Variants in FRZB observed in about 807,000 individuals in gnomAD.
FRZB encodes the protein secreted frizzled-related protein 3.
In FRZB, 34 loss-of-function variants were observed where a neutral mutation model predicts 32.5. The observed-to-expected ratio is 1.05, with a 90% CI of 0.80 to 1.39. The LOEUF is 1.39. Among genes scored for constraint, FRZB ranks in the 40% most tolerant of loss-of-function variants. The pLI is 0.00. For missense variants in FRZB, 423 were observed against 424.8 expected (o/e 1.00, Z 0.04); for synonymous variants, 170 against 159.2 (o/e 1.07, Z -0.51).
At chr2:182,847,791 C>A (rs1695662580) in intron 2 of FRZB, among the ~76,000 whole-genome samples, 1 of 152,044 alleles carries the variant, frequency 6.6e-6, no homozygotes, top group South Asian at 2.1e-4. Context: ...GAAAGGCAAA[C>A]CTTATAGTGG....
intron 2 of FRZB, among the ~76,000 whole-genome samples, chr2:182,855,781 T>C (rs1205655388): frequency 6.6e-6 from 1 of 152,120 alleles, no homozygotes; most frequent in Non-Finnish European, 1.5e-5. Context: ...AATTTATAGA[T>C]TCAAGAAGCT....
intron 5 of FRZB, among the ~76,000 whole-genome samples, chr2:182,837,725 C>T (rs1361443424): frequency 6.6e-6 from 1 of 151,948 alleles, no homozygotes; most frequent in African/African-American, 2.4e-5. Flanking sequence ...GACATTAGGG[C>T]AACTGTAGTT....
At chr2:182,854,886 A>T (rs962383516) in intron 2 of FRZB, among the ~76,000 whole-genome samples, 3 of 152,188 alleles carry the variant, frequency 2.0e-5, no homozygotes, top group Non-Finnish European at 4.4e-5. Context: ...TGCAAGGGAG[A>T]TCAGAGAGAT....
intron 5 of FRZB, among the ~76,000 whole-genome samples, chr2:182,836,408 A>T (rs1456219344): frequency 1.3e-5 from 2 of 152,106 alleles, no homozygotes; most frequent in Non-Finnish European, 2.9e-5. Context: ...TCTGCATATG[A>T]ATTTAAAATT....
At chr2:182,847,340 C>T (rs1695655833) in intron 2 of FRZB, among the ~76,000 whole-genome samples, 1 of 151,978 alleles carries the variant, frequency 6.6e-6, no homozygotes, top group Admixed American at 6.6e-5. Flanking sequence ...AATATGAAGT[C>T]CATAAAGGAG....
At chr2:182,858,664 T>C in intron 2 of FRZB, 122 bp downstream of exon 2, 1 of 644,944 alleles carries the variant, frequency 1.6e-6, no homozygotes, top group Non-Finnish European at 2.6e-6. Context: ...ATGAGGGAAT[T>C]TTAAAAAGTT....
chr2:182,852,246 T>C lies in FRZB; in HGVS notation c.526+6540A>G, dbSNP rs568430077. 4.2e-4 allele frequency among the ~76,000 whole-genome samples: 64 copies of C among 152,262 alleles called. No homozygotes were observed. The South Asian group carries it at 0.012, about 29-fold the overall frequency. ...CTACCCAAGCTAAGCATAAATCATG[T>C]CAGCAAAAGTGGGAGTGGCTGGGCA... On this transcript the variant is annotated intron_variant, in intron 2 of 5. Transcript: ENST00000295113.
At chr2:182,859,767 G>A (rs369178617) in intron 1 of FRZB, among the ~76,000 whole-genome samples, 5 of 152,152 alleles carry the variant, frequency 3.3e-5, no homozygotes, top group African/African-American at 9.7e-5. Context: ...CCCAGGTTTA[G>A]TAATCATCAG....
At chr2:182,847,925 T>C (rs951029127) in intron 2 of FRZB, among the ~76,000 whole-genome samples, 9 of 152,058 alleles carry the variant, frequency 5.9e-5, no homozygotes, top group Admixed American at 3.3e-4. Context: ...CAGATGAGTA[T>C]GGAAGAGGAA....
chr2:182,835,821 A>G (rs1695518991), intron 5 of FRZB, among the ~76,000 whole-genome samples: 1 of 152,024 alleles, frequency 6.6e-6, no homozygotes, highest in Non-Finnish European at 1.5e-5. Flanking sequence ...TGATCCAGGG[A>G]CCACACTTTA....
intron 2 of FRZB, among the ~76,000 whole-genome samples, chr2:182,844,791 A>C (rs946206234): frequency 6.6e-6 from 1 of 152,212 alleles, no homozygotes; most frequent in Non-Finnish European, 1.5e-5. Flanking sequence ...GCATACAACT[A>C]CATATACATA....
rs776528032 is a variant in FRZB at position 182,866,521 on chromosome 2, A to C, written c.32T>G (p.Leu11Arg). Reference protein sequence around the residue: MVCGSPGGMLLLRAGLLALAA... With the variant: MVCGSPGGMLRLRAGLLALAA... ...CAGGGCAAGCAGCCCGGCCCGCAGC[A>C]GCAGCATCCCTCCCGGGCTGCCGCA... Residue 11 changes from leucine (L) to arginine (R), a missense_variant, in exon 1 of 6, where the codon CTG becomes CGG. By Grantham distance (102) the Leu-to-Arg change is moderately radical. Transcript: ENST00000295113. The surrounding 1 kb of genome is among the most constrained non-coding windows in gnomAD (Gnocchi z 4.5). 11 of 1,487,688 alleles carry C rather than the reference A, an allele frequency of 7.4e-6. No homozygotes were observed. Among genetic ancestry groups the C allele is most frequent in the Non-Finnish European group, 9.8e-6 (11 of 1,120,006 alleles). The allele number at this position is 1,487,688 out of a possible 1,614,324, so 92.2% of individuals were successfully genotyped here.
intron 3 of FRZB, among the ~76,000 whole-genome samples, chr2:182,839,769 G>T (rs1207043681): frequency 2.0e-5 from 3 of 151,906 alleles, no homozygotes; most frequent in Admixed American, 6.6e-5. Flanking sequence ...TACCCTCATT[G>T]CTCCAGTTCA....
At chr2:182,858,712 G>T in intron 2 of FRZB, 74 bp downstream of exon 2, 1 of 1,071,476 alleles carries the variant, frequency 9.3e-7, no homozygotes, top group Non-Finnish European at 1.4e-6. Context: ...CCCCATGAAT[G>T]ACTTAAGTAT....
chr2:182,835,633 A>G (rs1695516348), intron 5 of FRZB, among the ~76,000 whole-genome samples: 1 of 152,156 alleles, frequency 6.6e-6, no homozygotes, highest in Non-Finnish European at 1.5e-5. Context: ...TTTAAGTTAA[A>G]TGGAAGTTAT....
chr2:182,855,074 G>A (rs1695753655), intron 2 of FRZB, among the ~76,000 whole-genome samples: 2 of 152,152 alleles, frequency 1.3e-5, no homozygotes, highest in Non-Finnish European at 1.5e-5. Flanking sequence ...GATAGATATG[G>A]AAGGTACTTC....
At chr2:182,855,573 G>T (rs181593102) in intron 2 of FRZB, among the ~76,000 whole-genome samples, 1 of 152,054 alleles carries the variant, frequency 6.6e-6, no homozygotes, top group Non-Finnish European at 1.5e-5. Flanking sequence ...TGAACTTGTC[G>T]CTAGGCCAAT....
chr2:182,842,545 T>G lies in FRZB; in HGVS notation c.527-2A>C. The G allele has an allele frequency of 6.2e-7, 1 of 1,608,732 alleles. No individual in the cohort carries two copies. Among genetic ancestry groups the G allele is most frequent in the Non-Finnish European group, 8.5e-7 (1 of 1,175,640 alleles). ...TAATAGGCTTACATTTACAGCGTTCTGAAAAACACATTTTAGTTATAAGCA... is the reference window on the plus strand; with the variant it reads ...TAATAGGCTTACATTTACAGCGTTCGGAAAAACACATTTTAGTTATAAGCA... On this transcript the variant is annotated splice_acceptor_variant, in intron 2 of 5. Transcript: ENST00000295113. LOFTEE classifies it high-confidence loss of function.
At chr2:182,854,140 G>T (rs759859294) in intron 2 of FRZB, among the ~76,000 whole-genome samples, 3 of 152,192 alleles carry the variant, frequency 2.0e-5, no homozygotes, top group African/African-American at 7.2e-5. Flanking sequence ...CCTTTGAAGA[G>T]AAGGGTGGGG....
Sources: allele counts gnomAD v4.1 joint callset (sites outside exome capture counted in the v4.1 genomes callset), GRCh38; gene constraint gnomAD v4.1.1; non-coding constraint Gnocchi (gnomAD v3.1); transcripts MANE v1.5; gene names NCBI Gene and HGNC (gene_info 2026-07-23, HGNC 2026-07-21).